Variants in HLF observed in about 807,000 individuals in gnomAD.
The protein encoded by HLF is HLF transcription factor, PAR bZIP family member.
In HLF, 3 loss-of-function variants were observed where a neutral mutation model predicts 22.6. The observed-to-expected ratio is 0.13, with a 90% CI of 0.06 to 0.34. The LOEUF is 0.34. Among genes scored for constraint, HLF ranks in the 10% least tolerant of loss-of-function variants. HLF has a pLI of 1.00. For synonymous variants in HLF, 151 were observed against 151.8 expected (o/e 0.99, Z 0.04); for missense variants, 299 against 389.2 (o/e 0.77, Z 1.95).
At chr17:55,267,009 T>A (rs2080798278) in intron 1 of HLF, among the ~76,000 whole-genome samples, 1 of 152,234 alleles carries the variant, frequency 6.6e-6, no homozygotes, top group Non-Finnish European at 1.5e-5. Context: ...CACTTTGTAT[T>A]TTTTTAAACT....
chr17:55,282,320 A>G (rs1015793487), intron 2 of HLF, among the ~76,000 whole-genome samples: 1 of 152,178 alleles, frequency 6.6e-6, no homozygotes, highest in Non-Finnish European at 1.5e-5. Flanking sequence ...TGGGAACACA[A>G]GAGATCTAAT....
chr17:55,310,524 A>G (rs1904783200), intron 2 of HLF, among the ~76,000 whole-genome samples: 1 of 152,244 alleles, frequency 6.6e-6, no homozygotes, highest in African/African-American at 2.4e-5. Context: ...TTTATATTGA[A>G]GGATCTGAAG....
intron 2 of HLF, among the ~76,000 whole-genome samples, chr17:55,311,669 T>G (rs1904836919): frequency 6.6e-6 from 1 of 152,032 alleles, no homozygotes; most frequent in South Asian, 2.1e-4. Flanking sequence ...TTTTTAAAAT[T>G]TATTATTATT....
chr17:55,265,155 TTTTC>T lies in HLF; in HGVS notation c.-322_-319del, dbSNP rs796553310. 53 of 225,340 alleles carry T rather than the reference TTTTC, an allele frequency of 2.4e-4. No individual in the cohort carries two copies. The highest frequency in any genetic ancestry group is 3.1e-4 in the Non-Finnish European group (35 of 114,254). The allele number at this position is 225,340 out of a possible 1,614,324, so 14.0% of individuals were successfully genotyped here. A position where few individuals can be genotyped will look rare whatever the true frequency, so the allele number is the denominator to read the frequency against. On this transcript the variant is annotated 5_prime_UTR_variant, in exon 1 of 4. Transcript: ENST00000226067. Reference sequence around the variant, plus strand: ...CCCTTCTGCAGCCGTCGACATTTTTTTTTCTTTCTTTTTTTCAATTTTGAACATT... The same window carrying T: ...CCCTTCTGCAGCCGTCGACATTTTTTTTTCTTTTTTTCAATTTTGAACATT...
At position 55,324,741 on chromosome 17, in the gene HLF, C is replaced by T. The variant is rs774341397; in HGVS notation, c.*3862C>T. On this transcript the variant is annotated 3_prime_UTR_variant, in exon 4 of 4. Transcript: ENST00000226067. Reference sequence around the variant, plus strand: ...AAAATGAGCAAAGCCTTATCCGAATCGGATATAGCAACTAAAGTCAATACA... The same window carrying T: ...AAAATGAGCAAAGCCTTATCCGAATTGGATATAGCAACTAAAGTCAATACA... The T allele has an allele frequency of 5.1e-5, 12 of 233,014 alleles. No homozygotes were observed. Among genetic ancestry groups the T allele is most frequent in the Non-Finnish European group, 8.5e-5 (10 of 117,948 alleles). The allele number at this position is 233,014 out of a possible 1,614,324, so 14.4% of individuals were successfully genotyped here. A position where few individuals can be genotyped will look rare whatever the true frequency, so the allele number is the denominator to read the frequency against.
At chr17:55,315,711 C>T (rs892961362) in intron 3 of HLF, among the ~76,000 whole-genome samples, 1 of 152,120 alleles carries the variant, frequency 6.6e-6, no homozygotes, top group Admixed American at 6.5e-5. Flanking sequence ...AGGAAACAAA[C>T]CTGCTCCTAT....
At chr17:55,271,377 G>A (rs529214704) in intron 2 of HLF, 1 of 152,258 alleles carries the variant, frequency 6.6e-6, no homozygotes, top group East Asian at 1.9e-4. Context: ...TGCATCTTTT[G>A]AGCTATGCTC....
In HLF at chr17:55,325,122, A is replaced by G. The variant is rs1453702202; in HGVS notation, c.*4243A>G. 5.3e-6 allele frequency: 1 copy of G among 189,230 alleles called. No homozygotes were observed. The highest frequency in any genetic ancestry group is 8.4e-5 in the East Asian group (1 of 11,912). The allele number at this position is 189,230 out of a possible 1,614,324, so 11.7% of individuals were successfully genotyped here. On this transcript the variant is annotated 3_prime_UTR_variant, in exon 4 of 4. Transcript: ENST00000226067. ...AATGGTATTCTGTTCCCACCTCGGT[A>G]GCAAAGAGACCATTTGTAGAGATTA...
chr17:55,314,475 T>C (rs184831705), intron 2 of HLF, among the ~76,000 whole-genome samples: 1 of 152,308 alleles, frequency 6.6e-6, no homozygotes, highest in Non-Finnish European at 1.5e-5. Flanking sequence ...AAACATCAGC[T>C]CTTTGTCACT....
At chr17:55,312,744 A>G (rs191348311) in intron 2 of HLF, among the ~76,000 whole-genome samples, 63 of 152,248 alleles carry the variant, frequency 4.1e-4, no homozygotes, top group Non-Finnish European at 5.7e-4. Flanking sequence ...CAGGACTTTC[A>G]CTCTCTTTAC....
chr17:55,289,040 AT>A, intron 2 of HLF: 1 of 589,604 alleles, frequency 1.7e-6, no homozygotes, highest in Non-Finnish European at 2.1e-6. Flanking sequence ...ATGGATATAA[AT>A]TTTTTTAAAA....
At chr17:55,298,039 C>T (rs946476413) in intron 2 of HLF, among the ~76,000 whole-genome samples, 2 of 152,006 alleles carry the variant, frequency 1.3e-5, no homozygotes, top group African/African-American at 2.4e-5. Flanking sequence ...TATGAGCCAC[C>T]GCGCCCAGCC....
chr17:55,290,556 G>A (rs900861150), intron 2 of HLF, among the ~76,000 whole-genome samples: 6 of 152,240 alleles, frequency 3.9e-5, no homozygotes, highest in East Asian at 3.9e-4. Context: ...TAAATGTTAC[G>A]TATGTTCTTC....
chr17:55,298,760 G>A (rs890992019), intron 2 of HLF, among the ~76,000 whole-genome samples: 1 of 152,162 alleles, frequency 6.6e-6, no homozygotes, highest in Non-Finnish European at 1.5e-5. Context: ...TTTTTATTAC[G>A]TGTGTAAATC....
In HLF at chr17:55,324,038, T is replaced by G. The variant is rs1430464216; in HGVS notation, c.*3159T>G. 4.4e-6 allele frequency: 1 copy of G among 228,752 alleles called. No individual in the cohort carries two copies. Among genetic ancestry groups the G allele is most frequent in the Non-Finnish European group, 8.7e-6 (1 of 115,362 alleles). The allele number at this position is 228,752 out of a possible 1,614,324, so 14.2% of individuals were successfully genotyped here. ...TGCTGGTGCTGCCTTAAGGAGGTAG[T>G]TTGTTGAGGGGAGGGCTGTAGATCA... On this transcript the variant is annotated 3_prime_UTR_variant, in exon 4 of 4. Transcript: ENST00000226067.
chr17:55,291,300 A>G (rs191345004), intron 2 of HLF, among the ~76,000 whole-genome samples: 3 of 152,330 alleles, frequency 2.0e-5, no homozygotes, highest in African/African-American at 4.8e-5. Context: ...CATGCCTGGC[A>G]TCGAAGGACA....
At chr17:55,299,526 T>C (rs2081138345) in intron 2 of HLF, among the ~76,000 whole-genome samples, 1 of 152,170 alleles carries the variant, frequency 6.6e-6, no homozygotes. Flanking sequence ...GCCTTGGTTC[T>C]CAACATACCA....
intron 2 of HLF, among the ~76,000 whole-genome samples, chr17:55,308,184 C>G (rs188430199): frequency 1.3e-5 from 2 of 152,272 alleles, no homozygotes; most frequent in African/African-American, 4.8e-5. Flanking sequence ...TCACAGTGTA[C>G]CGCTGTGGAG....
intron 2 of HLF, among the ~76,000 whole-genome samples, chr17:55,293,593 G>A (rs2081085991): frequency 6.6e-6 from 1 of 152,210 alleles, no homozygotes; most frequent in Admixed American, 6.5e-5. Flanking sequence ...CTCTGGGAAC[G>A]ACTGTTAGTA....
Sources: gnomAD v4.1 joint callset for allele counts (sites outside exome capture counted in the v4.1 genomes callset) on GRCh38, gnomAD v4.1.1 for gene constraint, MANE v1.5 for transcripts, NCBI Gene and HGNC (gene_info 2026-07-23, HGNC 2026-07-21) for gene names.